Variants in CLCN7 observed in about 807,000 individuals in gnomAD.
The protein encoded by CLCN7 is Cl-/H+ antiporter 7, also known as H(+)/Cl(-) exchange transporter 7.
In CLCN7, 60 loss-of-function variants were observed where a neutral mutation model predicts 102.1. The observed-to-expected ratio is 0.59, with a 90% CI of 0.48 to 0.73. CLCN7 has a LOEUF of 0.73. Among genes scored for constraint, CLCN7 ranks in the 30% least tolerant of loss-of-function variants. CLCN7 has a pLI of 0.00. For missense variants in CLCN7, 962 were observed against 1,125.7 expected, an observed-to-expected ratio of 0.85 and a Z score of 2.08; for synonymous variants, 560 against 490.5, an observed-to-expected ratio of 1.14 and a Z score of -1.87.
chr16:1,447,113 C>T (rs2038660737), intron 23 of CLCN7, 27 bp from the exon 24 acceptor site: 6 of 1,572,322 alleles, frequency 3.8e-6, no homozygotes, highest in Admixed American at 1.8e-5. Context: ...GCTGTCAGTG[C>T]CCGCCCACAC....
intron 1 of CLCN7, among the ~76,000 whole-genome samples, chr16:1,466,111 G>T (rs2039001156): frequency 6.6e-6 from 1 of 152,250 alleles, no homozygotes; most frequent in Admixed American, 6.5e-5. Context: ...GGGAAGAAGG[G>T]CTGCCTTCCA....
At chr16:1,473,360 C>A (rs2039103559) in intron 1 of CLCN7, among the ~76,000 whole-genome samples, 1 of 146,748 alleles carries the variant, frequency 6.8e-6, no homozygotes, top group East Asian at 2.1e-4. Context: ...ATTTTCGTGT[C>A]CTTCCTAAAC....
intron 1 of CLCN7, among the ~76,000 whole-genome samples, 184 bp downstream of exon 1, chr16:1,474,650 C>A (rs982985198): frequency 2.6e-5 from 4 of 152,016 alleles, no homozygotes. Flanking sequence ...TCCGAAGACT[C>A]CAGACCCCAG....
chr16:1,451,276 C>G (rs1188377359), intron 16 of CLCN7, among the ~76,000 whole-genome samples: 2 of 152,214 alleles, frequency 1.3e-5, no homozygotes, highest in East Asian at 3.8e-4. Flanking sequence ...GATGTAATCA[C>G]AGCTCATTGT....
chr16:1,456,319 C>T (rs1357009462), intron 9 of CLCN7, 113 bp from the exon 10 acceptor site: 11 of 776,330 alleles, frequency 1.4e-5, no homozygotes, highest in Admixed American at 8.0e-5. Flanking sequence ...TTCAGGACAA[C>T]CGAGTCAGCA....
At position 1,446,114 on chromosome 16, in the gene CLCN7, G is replaced by C. The variant is rs1177054417; in HGVS notation, c.*517C>G. The C allele has an allele frequency of 1.7e-6, 1 of 597,866 alleles. No homozygotes were observed. Among genetic ancestry groups the C allele is most frequent in the Non-Finnish European group, 3.0e-6 (1 of 336,590 alleles). The allele number at this position is 597,866 out of a possible 1,614,324, so 37.0% of individuals were successfully genotyped here. Reference sequence around the variant, plus strand: ...CAGCCTCCAAACCCTGGTGCTACGAGTCCGTGCCTCAGGCCCAGGGACCAC... The same window carrying C: ...CAGCCTCCAAACCCTGGTGCTACGACTCCGTGCCTCAGGCCCAGGGACCAC... On this transcript the variant is annotated 3_prime_UTR_variant, in exon 25 of 25. Transcript: ENST00000382745.
intron 1 of CLCN7, among the ~76,000 whole-genome samples, chr16:1,465,803 C>A (rs545207468): frequency 1.3e-5 from 2 of 152,200 alleles, no homozygotes; most frequent in African/African-American, 4.8e-5. Context: ...ACAGTGTTCA[C>A]GCTGCCCTCC....
chr16:1,455,310 G>A (rs993451171), intron 11 of CLCN7, 60 bp from the exon 12 acceptor site: 28 of 1,025,218 alleles, frequency 2.7e-5, no homozygotes, highest in Non-Finnish European at 4.0e-5. Context: ...CAGGGCTCAC[G>A]GACCAGCAGG....
chr16:1,464,044 C>G (rs1489175755), intron 2 of CLCN7, among the ~76,000 whole-genome samples: 1 of 152,156 alleles, frequency 6.6e-6, no homozygotes, highest in Non-Finnish European at 1.5e-5. Flanking sequence ...ACTAGGATTA[C>G]AGGCACGAAT....
intron 16 of CLCN7, among the ~76,000 whole-genome samples, 174 bp downstream of exon 16, chr16:1,451,449 C>G (rs2038748938): frequency 6.6e-6 from 1 of 152,190 alleles, no homozygotes; most frequent in African/African-American, 2.4e-5. Context: ...AGTGATCCTC[C>G]TGCCTTGGTC....
intron 1 of CLCN7, among the ~76,000 whole-genome samples, chr16:1,472,167 G>C (rs1258478940): frequency 2.6e-5 from 4 of 152,272 alleles, no homozygotes; most frequent in Non-Finnish European, 5.9e-5. Context: ...TAAATTGCTT[G>C]TAAGCAGAGT....
intron 7 of CLCN7, among the ~76,000 whole-genome samples, chr16:1,458,425 G>C (rs1041401736): frequency 6.6e-6 from 1 of 152,272 alleles, no homozygotes; most frequent in Non-Finnish European, 1.5e-5. Flanking sequence ...GCGGGTGACA[G>C]GCGGGTCGCC....
intron 16 of CLCN7, among the ~76,000 whole-genome samples, chr16:1,450,982 G>A (rs1048994766): frequency 2.6e-5 from 4 of 152,248 alleles, no homozygotes; most frequent in African/African-American, 4.8e-5. Flanking sequence ...GGTGTGCACC[G>A]TGGTGCAGCT....
intron 19 of CLCN7, 85 bp downstream of exon 19, chr16:1,448,881 G>C: frequency 6.2e-7 from 1 of 1,600,246 alleles, no homozygotes. Context: ...TACCCCCCGG[G>C]ACCGGCTGTT....
intron 20 of CLCN7, 84 bp from the exon 21 acceptor site, chr16:1,448,568 C>CTCA: frequency 6.2e-7 from 1 of 1,601,930 alleles, no homozygotes; most frequent in Non-Finnish European, 8.5e-7. Flanking sequence ...GGTGTGAAGC[C>CTCA]GCTGGACAGG....
At chr16:1,448,300 A>G in intron 21 of CLCN7, 55 bp downstream of exon 21, 1 of 1,604,034 alleles carries the variant, frequency 6.2e-7, no homozygotes, top group Non-Finnish European at 8.5e-7. Flanking sequence ...GCTTCCCACC[A>G]ATGGACTCGA....
chr16:1,462,365 C>CT (rs59931924), intron 2 of CLCN7, among the ~76,000 whole-genome samples: 2,816 of 80,574 alleles, frequency 0.035, 206 homozygotes, highest in Middle Eastern at 0.051. Context: ...CCTCATCTGT[C>CT]TTTTTTTTTT....
At position 1,445,089 on chromosome 16, in the gene CLCN7, G is replaced by A. The variant is rs960598455; in HGVS notation, c.*1542C>T. 6.6e-5 allele frequency: 10 copies of A among 152,256 alleles called. No homozygotes were observed. Among genetic ancestry groups the A allele is most frequent in the African/African-American group, 2.4e-4 (10 of 41,450 alleles). 9.4% of individuals were successfully genotyped at this position (152,256 alleles called of 1,614,324 possible). On this transcript the variant is annotated 3_prime_UTR_variant, in exon 25 of 25. Transcript: ENST00000382745. ...TTTTCTTCTTGCGTCACCCCAGCGT[G>A]GGCACCCCGGCCCGCCCCCCTCCAC...
intron 1 of CLCN7, 32 bp downstream of exon 1, chr16:1,474,800 TCA>T (rs1166702358): frequency 1.2e-5 from 16 of 1,290,430 alleles, no homozygotes; most frequent in Middle Eastern, 3.0e-4. Context: ...GCACGAGGGC[TCA>T]GTTTCCCCGC....
Sources: allele counts gnomAD v4.1 joint callset (sites outside exome capture counted in the v4.1 genomes callset), GRCh38; gene constraint gnomAD v4.1.1; transcripts MANE v1.5; gene names NCBI Gene and HGNC (gene_info 2026-07-23, HGNC 2026-07-21).